CSMD1: variants seen among roughly 807,000 people sequenced by gnomAD.
CSMD1 encodes CUB and Sushi multiple domains 1.
CSMD1 carries 213 observed loss-of-function variants against 417.5 expected under a neutral mutation model. The ratio of observed to expected loss-of-function variants is 0.51; its 90% CI spans 0.46 to 0.57. The LOEUF is 0.57. Ranked by LOEUF, CSMD1 falls within the 20% of genes least tolerant of loss-of-function variation. The pLI, the probability that CSMD1 is intolerant of heterozygous loss-of-function variation, is 0.00. For synonymous variants in CSMD1, 2,862 were observed against 1,736.8 expected, an observed-to-expected ratio of 1.65 and a Z score of -16.11; for missense variants, 6,923 against 4,529.7, an observed-to-expected ratio of 1.53 and a Z score of -15.17.
At chr8:4,060,766 G>A (rs1408783600) in intron 3 of CSMD1, among the ~76,000 whole-genome samples, 1 of 152,114 alleles carries the variant, frequency 6.6e-6, no homozygotes, top group Non-Finnish European at 1.5e-5. Context: ...TTCTACCTAT[G>A]TGGGACCACA....
chr8:4,096,735 A>G (rs1388854930), intron 3 of CSMD1, among the ~76,000 whole-genome samples: 1 of 152,220 alleles, frequency 6.6e-6, no homozygotes, highest in Non-Finnish European at 1.5e-5. Context: ...GAGAAAATAA[A>G]AAGAATATTG....
chr8:3,616,375 G>T (rs1289496973), intron 8 of CSMD1, among the ~76,000 whole-genome samples: 5 of 152,094 alleles, frequency 3.3e-5, no homozygotes, highest in East Asian at 1.9e-4. Flanking sequence ...AGAAGGATGT[G>T]TTTGCTTCCC....
chr8:4,213,815 G>A (rs190750668), intron 3 of CSMD1, among the ~76,000 whole-genome samples: 1 of 152,140 alleles, frequency 6.6e-6, no homozygotes, highest in Non-Finnish European at 1.5e-5. Flanking sequence ...CATTGAGAAA[G>A]ATAAGAAAAG....
intron 3 of CSMD1, among the ~76,000 whole-genome samples, chr8:4,270,183 G>A (rs1804496015): frequency 6.6e-6 from 1 of 152,168 alleles, no homozygotes; most frequent in Non-Finnish European, 1.5e-5. Flanking sequence ...CGGTTAGAAA[G>A]GAGTTGACAT....
chr8:3,438,617 G>T (rs1814730561), intron 12 of CSMD1, among the ~76,000 whole-genome samples: 1 of 152,126 alleles, frequency 6.6e-6, no homozygotes, highest in Admixed American at 6.6e-5. Flanking sequence ...TCATGGTCTA[G>T]ATGAATTAAT....
chr8:3,898,761 T>G (rs903349511), intron 5 of CSMD1, among the ~76,000 whole-genome samples: 1 of 152,312 alleles, frequency 6.6e-6, no homozygotes, highest in South Asian at 2.1e-4. Context: ...CCACTGTATA[T>G]ATATTTGAGG....
chr8:4,170,186 G>A (rs1260282265), intron 3 of CSMD1, among the ~76,000 whole-genome samples: 1 of 151,784 alleles, frequency 6.6e-6, no homozygotes, highest in East Asian at 1.9e-4. Context: ...ACCTTTCACA[G>A]TCCACGCGTT....
intron 3 of CSMD1, among the ~76,000 whole-genome samples, chr8:4,078,176 C>A (rs1244135696): frequency 6.6e-6 from 1 of 152,094 alleles, no homozygotes; most frequent in Admixed American, 6.5e-5. Flanking sequence ...ATTCAGTTTG[C>A]TATTTTCAAC....
rs140133606 is a variant in CSMD1, at chr8:3,951,021, C to T, written c.818+46882G>A. ...TCAACTGAGCCCCGTTTCTGATCTA[C>T]AAAAGTCACTTTAGTGAGATTTTTA... On this transcript the variant is annotated intron_variant, in intron 5 of 69. Coordinates refer to ENST00000635120, the MANE Select transcript of CSMD1 (RefSeq NM_033225.6). Among the ~76,000 whole-genome samples the T allele has an allele frequency of 6.0e-3, 911 of 152,280 alleles. 9 individuals carry two copies. Among genetic ancestry groups the T allele is most frequent in the African/African-American group, 0.018 (739 of 41,554 alleles).
At chr8:3,854,824 C>T (rs560516432) in intron 5 of CSMD1, among the ~76,000 whole-genome samples, 2 of 151,858 alleles carry the variant, frequency 1.3e-5, no homozygotes, top group African/African-American at 4.8e-5. Flanking sequence ...TATTACTAAA[C>T]ATAACAAAAA....
chr8:3,654,402 G>A (rs1381745471), intron 7 of CSMD1, among the ~76,000 whole-genome samples: 1 of 152,128 alleles, frequency 6.6e-6, no homozygotes, highest in Non-Finnish European at 1.5e-5. Context: ...GAGATGTAAA[G>A]TACCCTTTGG....
intron 1 of CSMD1, among the ~76,000 whole-genome samples, chr8:4,732,989 G>A (rs1259045657): frequency 5.9e-5 from 9 of 151,762 alleles, no homozygotes; most frequent in African/African-American, 2.2e-4. Flanking sequence ...AAATCTCTAG[G>A]GCTACGCTCC....
intron 2 of CSMD1, among the ~76,000 whole-genome samples, chr8:4,532,872 C>G (rs1018702897): frequency 2.0e-5 from 3 of 151,556 alleles, no homozygotes; most frequent in Non-Finnish European, 4.4e-5. Flanking sequence ...TTCAGTCACT[C>G]CGGAAGAGAA....
chr8:4,821,006 G>A (rs370963106), intron 1 of CSMD1, among the ~76,000 whole-genome samples: 2 of 152,212 alleles, frequency 1.3e-5, no homozygotes, highest in African/African-American at 4.8e-5. Context: ...GTAGTCATTA[G>A]AATGTCTCAG....
chr8:4,486,230 CATATATATATATATACATACATAT>C (rs1801403265), intron 2 of CSMD1, among the ~76,000 whole-genome samples: 26 of 16,458 alleles, frequency 1.6e-3, no homozygotes, highest in African/African-American at 2.3e-3. Flanking sequence ...TATATACATA[CATATATATATATATACATACATAT>C]ATATATATAT....
In CSMD1 at chr8:3,988,105, C is replaced by A. The variant is rs567405498; in HGVS notation, c.818+9798G>T. Among the ~76,000 whole-genome samples, 3 of 152,186 alleles carry A rather than the reference C, an allele frequency of 2.0e-5. No individual in the cohort carries two copies. In the South Asian group the frequency reaches 6.2e-4, roughly 32 times the overall value. On this transcript the variant is annotated intron_variant, in intron 5 of 69. Transcript: ENST00000635120. The stretch of plus-strand genomic sequence containing the variant: ...GTTGAAATATTGTGATTTTTTTATA[C>A]CCTTTTGATGTCACCTCTTATTCAT...
intron 7 of CSMD1, among the ~76,000 whole-genome samples, chr8:3,698,431 C>T (rs1327239150): frequency 2.0e-5 from 3 of 152,148 alleles, no homozygotes; most frequent in African/African-American, 7.2e-5. Flanking sequence ...CTTTATACTA[C>T]TGTTAGAGGT....
intron 2 of CSMD1, among the ~76,000 whole-genome samples, chr8:4,446,134 A>G (rs1585088488): frequency 6.6e-6 from 1 of 152,214 alleles, no homozygotes; most frequent in East Asian, 1.9e-4. Flanking sequence ...CATTCGTTAC[A>G]TACGTGAGTT....
chr8:3,348,348 C>T (rs1466836448), intron 21 of CSMD1, among the ~76,000 whole-genome samples, 187 bp from the exon 22 acceptor site: 1 of 152,072 alleles, frequency 6.6e-6, no homozygotes, highest in Non-Finnish European at 1.5e-5. Flanking sequence ...AAAGATACCC[C>T]ACCTAGCTCA....
Sources: gnomAD v4.1 joint callset for allele counts (sites outside exome capture counted in the v4.1 genomes callset) on GRCh38, gnomAD v4.1.1 for gene constraint, MANE v1.5 for transcripts, NCBI Gene and HGNC (gene_info 2026-07-23, HGNC 2026-07-21) for gene names.